JAKMIP3: variants seen among roughly 807,000 people sequenced by gnomAD.
JAKMIP3 encodes the protein janus kinase and microtubule-interacting protein 3.
Under a neutral mutation model 118.5 loss-of-function variants are expected in JAKMIP3, and 58 were observed. The ratio of observed to expected loss-of-function variants is 0.49; its 90% CI spans 0.40 to 0.61. The LOEUF is 0.61. Among genes scored for constraint, JAKMIP3 ranks in the 20% least tolerant of loss-of-function variants. The probability of loss-of-function intolerance (pLI) is 0.00; values close to 1 mark genes in which losing one functional copy is unlikely to be tolerated. For missense variants in JAKMIP3, 950 were observed against 1,109.0 expected, an observed-to-expected ratio of 0.86 and a Z score of 2.04; for synonymous variants, 486 against 451.2, an observed-to-expected ratio of 1.08 and a Z score of -0.98.
chr10:132,043,580 C>T (rs1285779356), intron 1 of JAKMIP3, among the ~76,000 whole-genome samples: 1 of 152,236 alleles, frequency 6.6e-6, no homozygotes, highest in African/African-American at 2.4e-5. Flanking sequence ...CAGTCCTAGT[C>T]AGGATTCCAG....
At chr10:132,139,473 TGTGA>T (rs766481132) in intron 9 of JAKMIP3, among the ~76,000 whole-genome samples, 20 of 147,520 alleles carry the variant, frequency 1.4e-4, no homozygotes, top group African/African-American at 2.7e-4. Flanking sequence ...TGTGTGTATG[TGTGA>T]GTGTGTGTGA....
At chr10:132,056,697 C>T (rs1180283271) in intron 1 of JAKMIP3, among the ~76,000 whole-genome samples, 1 of 152,244 alleles carries the variant, frequency 6.6e-6, no homozygotes, top group Non-Finnish European at 1.5e-5. Flanking sequence ...CTCTGAAGTC[C>T]TCACAGTTGC....
At chr10:132,078,831 G>C (rs775360552) in intron 1 of JAKMIP3, among the ~76,000 whole-genome samples, 1 of 151,252 alleles carries the variant, frequency 6.6e-6, no homozygotes, top group Admixed American at 6.6e-5. Flanking sequence ...CCCCGAGCGT[G>C]TTCCTCTTCT....
rs150669173 is a variant in JAKMIP3 at position 132,046,533 on chromosome 10, T to C, written c.-138+9795T>C. ...TGTTCTCAGCATCGCGTCTTGGGTC[T>C]TCCATTTCTGTGTGTGTCCAGCTCG... On this transcript the variant is annotated intron_variant, in intron 1 of 23. Coordinates refer to the JAKMIP3 transcript ENST00000657785. 3.2e-3 allele frequency among the ~76,000 whole-genome samples: 489 copies of C among 152,178 alleles called. 2 individuals carry two copies. The highest frequency in any genetic ancestry group is 6.8e-3 in the Middle Eastern group (2 of 292).
chr10:132,053,233 C>G (rs1412974138), intron 1 of JAKMIP3, among the ~76,000 whole-genome samples: 1 of 152,250 alleles, frequency 6.6e-6, no homozygotes, highest in Non-Finnish European at 1.5e-5. Flanking sequence ...TCACCACCCT[C>G]AAAGTTGGGG....
At chr10:132,094,716 C>A (rs1400196391) in intron 1 of JAKMIP3, among the ~76,000 whole-genome samples, 5 of 152,120 alleles carry the variant, frequency 3.3e-5, no homozygotes, top group Non-Finnish European at 7.4e-5. Flanking sequence ...TGGCCTCCTG[C>A]TGGGAGGTGG....
intron 1 of JAKMIP3, among the ~76,000 whole-genome samples, chr10:132,051,926 A>G (rs2038116582): frequency 6.6e-6 from 1 of 152,236 alleles, no homozygotes; most frequent in Non-Finnish European, 1.5e-5. Flanking sequence ...TTTTTCTAAA[A>G]GCATATTTAA....
upstream of JAKMIP3, among the ~76,000 whole-genome samples, chr10:132,059,757 C>T (rs1169741111): frequency 1.3e-5 from 2 of 152,230 alleles, no homozygotes; most frequent in African/African-American, 2.4e-5. Context: ...GGTGCCAGGG[C>T]ATCCCAGCTC....
chr10:132,048,503 T>C (rs9419167), intron 1 of JAKMIP3, among the ~76,000 whole-genome samples: 92,125 of 151,702 alleles, frequency 0.61, 28,814 homozygotes, highest in East Asian at 0.99. Context: ...ACAATATTTG[T>C]TTTGTTAAAC....
intron 4 of JAKMIP3, 90 bp from the exon 5 acceptor site, chr10:132,134,951 G>A (rs1241060743): frequency 6.7e-7 from 1 of 1,496,560 alleles, no homozygotes; most frequent in Non-Finnish European, 9.2e-7. Context: ...TCCCACGGCA[G>A]CGTTTTTGTT....
intron 23 of JAKMIP3, chr10:132,181,563 G>A (rs962507275): frequency 6.6e-6 from 1 of 152,178 alleles, no homozygotes. Flanking sequence ...AAACGAACCC[G>A]ATTAAAGGCA....
At chr10:132,102,649 C>T (rs572667202) in intron 1 of JAKMIP3, among the ~76,000 whole-genome samples, 10 of 152,322 alleles carry the variant, frequency 6.6e-5, no homozygotes, top group African/African-American at 1.9e-4. Flanking sequence ...GGGTCACCTC[C>T]GACCCTCCTT....
chr10:132,108,313 A>G (rs544366867), intron 2 of JAKMIP3, among the ~76,000 whole-genome samples: 2 of 152,228 alleles, frequency 1.3e-5, no homozygotes, highest in African/African-American at 4.8e-5. Context: ...GCCCTCCCAC[A>G]CCAGCTCCTC....
At chr10:132,121,778 G>A (rs912924233) in intron 3 of JAKMIP3, among the ~76,000 whole-genome samples, 12 of 152,136 alleles carry the variant, frequency 7.9e-5, no homozygotes, top group African/African-American at 2.7e-4. Flanking sequence ...AGCGCCACAC[G>A]CATGGCCACA....
chr10:132,134,997 G>T lies in JAKMIP3; in HGVS notation c.850-44G>T, dbSNP rs746123340. ...GCTGGGATTTGCAAAGGCTTCCCAG[G>T]CTTGTGGGTAGGAACCGTTATTTGC... On this transcript the variant is annotated intron_variant, in intron 4 of 23. Transcript: ENST00000684848. 4 of 1,600,956 alleles carry T rather than the reference G, an allele frequency of 2.5e-6. No homozygotes were observed. In the East Asian group the frequency reaches 6.7e-5, roughly 27 times the overall value.
At chr10:132,111,604 G>T (rs1215617779) in intron 2 of JAKMIP3, among the ~76,000 whole-genome samples, 1 of 151,914 alleles carries the variant, frequency 6.6e-6, no homozygotes, top group Non-Finnish European at 1.5e-5. Flanking sequence ...AGGGAGAAAG[G>T]GGGTTACTGA....
rs760851282 is a variant in JAKMIP3 at position 132,163,378 on chromosome 10, G to A, written c.2390G>A (p.Arg797Gln). Residue 797 changes from arginine to glutamine, a missense_variant, in exon 20 of 24, where the codon CGG becomes CAG. Arg to Gln is a conservative substitution (Grantham distance 43). Transcript: ENST00000684848. ...ELRERDAQIL[R>Q]ERMELLQLAQ... The stretch of plus-strand genomic sequence containing the variant: ...CGCGAGCGGGACGCCCAGATCCTGC[G>A]GGAGCGCATGGAGCTGCTGCAGCTG... 2.4e-5 allele frequency: 38 copies of A among 1,605,624 alleles called. No individual in the cohort carries two copies. The highest frequency in any genetic ancestry group is 1.1e-4 in the African/African-American group (8 of 74,848).
intron 3 of JAKMIP3, among the ~76,000 whole-genome samples, chr10:132,122,765 C>T (rs559106719): frequency 3.3e-5 from 5 of 152,338 alleles, no homozygotes; most frequent in Admixed American, 2.0e-4. Flanking sequence ...AGCAGGGCTG[C>T]AAGGCTGCAC....
chr10:132,117,372 A>G lies in JAKMIP3; in HGVS notation c.431A>G (p.Lys144Arg). The G allele has an allele frequency of 2.5e-6, 4 of 1,614,014 alleles. No homozygotes were observed. The highest frequency in any genetic ancestry group is 3.4e-6 in the Non-Finnish European group (4 of 1,179,904). Residue 144 changes from lysine (K) to arginine (R), a missense_variant, in exon 3 of 24, where the codon AAG becomes AGG. Coordinates refer to ENST00000684848, the MANE Select transcript of JAKMIP3 (RefSeq NM_001323087.2). The surrounding 1 kb of genome is among the most constrained non-coding windows in gnomAD (Gnocchi z 8.6). ...VLLSEAKEEAKKGFEVEKVKM... is the reference protein window; with the variant it reads ...VLLSEAKEEARKGFEVEKVKM... The stretch of plus-strand genomic sequence containing the variant: ...CTGTCCGAGGCCAAGGAGGAGGCCA[A>G]GAAGGGGTTCGAGGTGGAGAAGGTC...
Sources: gnomAD v4.1 joint callset for allele counts (sites outside exome capture counted in the v4.1 genomes callset) on GRCh38, gnomAD v4.1.1 for gene constraint, Gnocchi (gnomAD v3.1) non-coding constraint, MANE v1.5 for transcripts, NCBI Gene and HGNC (gene_info 2026-07-23, HGNC 2026-07-21) for gene names.